The following ZC4H2 variants were observed in gnomAD, a reference collection of about 807,000 sequenced individuals.
ZC4H2 encodes zinc finger C4H2 domain-containing protein.
For synonymous variants in ZC4H2, 84 were observed against 66.3 expected (o/e 1.27, Z -1.30); for missense variants, 137 against 173.9 (o/e 0.79, Z 1.19).
intron 4 of ZC4H2, 97 bp downstream of exon 4, chrX:64,918,945 C>G (rs1929052107): frequency 1.9e-6 from 2 of 1,043,824 alleles, no homozygotes; most frequent in East Asian, 6.4e-5. Context: ...AAAGAAGGCC[C>G]AGCATAAATA....
intron 1 of ZC4H2, among the ~76,000 whole-genome samples, chrX:64,986,601 A>C (rs1013430769): frequency 1.7e-4 from 19 of 111,866 alleles, no homozygotes. Context: ...AAGGCAGTCC[A>C]TGTTTTGAAG....
intron 1 of ZC4H2, among the ~76,000 whole-genome samples, chrX:64,990,699 G>T (rs1227541546): frequency 9.0e-6 from 1 of 111,658 alleles, no homozygotes; most frequent in African/African-American, 3.3e-5. Context: ...CTTCAGCCCT[G>T]TTCCTTCTCT....
chrX:64,935,752 A>G (rs1929977167), intron 1 of ZC4H2, among the ~76,000 whole-genome samples: 1 of 112,012 alleles, frequency 8.9e-6, no homozygotes, highest in South Asian at 3.7e-4. Context: ...TAGAAGGAAA[A>G]CTAACAAACA....
intron 1 of ZC4H2, among the ~76,000 whole-genome samples, chrX:64,952,926 A>T (rs1363130429): frequency 9.0e-6 from 1 of 111,680 alleles, no homozygotes; most frequent in African/African-American, 3.3e-5. Flanking sequence ...AAACTATACT[A>T]CAAGGCTACA....
intron 1 of ZC4H2, among the ~76,000 whole-genome samples, chrX:64,941,232 GCA>G (rs1569209120): frequency 8.9e-6 from 1 of 111,834 alleles, no homozygotes; most frequent in Non-Finnish European, 1.9e-5. Context: ...TGTGATTTTT[GCA>G]CATTGATTTT....
intron 1 of ZC4H2, among the ~76,000 whole-genome samples, chrX:64,927,703 C>T (rs767954316): frequency 2.0e-4 from 22 of 112,363 alleles, no homozygotes; most frequent in Non-Finnish European, 3.8e-4. Flanking sequence ...TGAGGAATCA[C>T]CACACTGTCT....
intron 1 of ZC4H2, among the ~76,000 whole-genome samples, chrX:64,936,741 C>G (rs759143441): frequency 8.9e-6 from 1 of 111,766 alleles, no homozygotes; most frequent in Admixed American, 9.5e-5. Context: ...TCTGTCACCA[C>G]CAGGCCTGCC....
At position 64,948,196 on chromosome X, in the gene ZC4H2, A is replaced by AATTTCTC. The variant is rs1477791578; in HGVS notation, c.54-26215_54-26209dup. Among the ~76,000 whole-genome samples, 22 of 111,021 alleles carry AATTTCTC rather than the reference A, an allele frequency of 2.0e-4. No individual in the cohort carries two copies. The East Asian group carries it at 6.0e-3, about 30-fold the overall frequency. ...TGAGCTCTTTGAGTTTCTTTGGGCGAATTTCTCATCCAAACTTGGTTTATA... is the reference window on the plus strand; with the variant it reads ...TGAGCTCTTTGAGTTTCTTTGGGCGAATTTCTCATTTCTCATCCAAACTTGGTTTATA... On this transcript the variant is annotated intron_variant, in intron 1 of 4. Coordinates refer to ENST00000374839, the MANE Select transcript of ZC4H2 (RefSeq NM_018684.4).
At chrX:64,994,620 A>G (rs781158506) in intron 1 of ZC4H2, among the ~76,000 whole-genome samples, 10 of 111,501 alleles carry the variant, frequency 9.0e-5, no homozygotes, top group Non-Finnish European at 1.9e-4. Context: ...TCATTTCACA[A>G]TCATGAATTA....
chrX:64,943,335 G>T (rs947636699), intron 1 of ZC4H2, among the ~76,000 whole-genome samples: 1 of 112,035 alleles, frequency 8.9e-6, no homozygotes, highest in South Asian at 3.7e-4. Context: ...TTCTGTAGAT[G>T]TCTATTAGGT....
In ZC4H2 at chrX:64,951,167, C is replaced by T. The variant is rs753655843; in HGVS notation, c.53+25158G>A. ...TTTTTTATGGCTGCATAGTATTCCA[C>T]GGTATATATGTGCCACATTTTCTTA... On this transcript the variant is annotated intron_variant, in intron 1 of 4. Coordinates refer to ENST00000374839, the MANE Select transcript of ZC4H2 (RefSeq NM_018684.4). 1.4e-3 allele frequency among the ~76,000 whole-genome samples: 157 copies of T among 112,195 alleles called. 1 individual carries two copies. The highest frequency in any genetic ancestry group is 5.0e-3 in the African/African-American group (153 of 30,847).
intron 1 of ZC4H2, among the ~76,000 whole-genome samples, chrX:65,031,033 A>T (rs926255724): frequency 3.6e-5 from 4 of 111,029 alleles, no homozygotes; most frequent in African/African-American, 1.3e-4. Context: ...TCTCTCCCCT[A>T]CTGTAAAACT....
At chrX:64,949,337 GT>G (rs1470975833) in intron 1 of ZC4H2, among the ~76,000 whole-genome samples, 1 of 112,012 alleles carries the variant, frequency 8.9e-6, no homozygotes, top group Non-Finnish European at 1.9e-5. Context: ...ATGACTAACA[GT>G]TTTTGCCTTC....
At chrX:65,010,216 G>A (rs756346553) in intron 1 of ZC4H2, among the ~76,000 whole-genome samples, 19 of 111,891 alleles carry the variant, frequency 1.7e-4, no homozygotes, top group Non-Finnish European at 3.2e-4. Flanking sequence ...CTCCACAATG[G>A]AATTGTCTAT....
chrX:64,958,812 A>G (rs986810496), intron 1 of ZC4H2, among the ~76,000 whole-genome samples: 8 of 111,595 alleles, frequency 7.2e-5, no homozygotes, highest in African/African-American at 2.6e-4. Context: ...TTGCATTCAG[A>G]AAGATGGAGA....
At chrX:64,917,965 T>A in intron 4 of ZC4H2, 69 bp from the exon 5 acceptor site, 3 of 1,117,000 alleles carry the variant, frequency 2.7e-6, no homozygotes, top group Non-Finnish European at 3.6e-6. Context: ...AGACTTCTGA[T>A]TCCCCAGGGG....
At chrX:65,013,224 G>A (rs1324350356) in intron 1 of ZC4H2, among the ~76,000 whole-genome samples, 1 of 111,889 alleles carries the variant, frequency 8.9e-6, no homozygotes, top group Non-Finnish European at 1.9e-5. Context: ...GGGCAATCAG[G>A]AAACAGTGAG....
chrX:65,012,983 A>G (rs1932770574), intron 1 of ZC4H2, among the ~76,000 whole-genome samples: 1 of 111,682 alleles, frequency 9.0e-6, no homozygotes, highest in African/African-American at 3.3e-5. Context: ...ATTGGCCAGA[A>G]CTAGTCTTAT....
Position 64,927,139 on chromosome X carries a change from T to C in ZC4H2, c.54-5151A>G, listed in dbSNP as rs767667077. ...CAATTTATCAAATTTTTCTTTCTTT[T>C]TTTTATTATTATACTTTAAGTTCTG... On this transcript the variant is annotated intron_variant, in intron 1 of 4. Coordinates refer to ENST00000374839, the MANE Select transcript of ZC4H2 (RefSeq NM_018684.4). 4.5e-5 allele frequency among the ~76,000 whole-genome samples: 5 copies of C among 111,611 alleles called. No individual in the cohort carries two copies. In the East Asian group the frequency reaches 1.4e-3, roughly 31 times the overall value.
Sources: allele counts gnomAD v4.1 joint callset (sites outside exome capture counted in the v4.1 genomes callset), GRCh38; gene constraint gnomAD v4.1.1; transcripts MANE v1.5; gene names NCBI Gene and HGNC (gene_info 2026-07-23, HGNC 2026-07-21).